Variants in ARID1A observed in about 807,000 individuals in gnomAD.
ARID1A encodes the protein AT-rich interactive domain-containing protein 1A.
In ARID1A, 20 loss-of-function variants were observed where a neutral mutation model predicts 212.6. The ratio of observed to expected loss-of-function variants is 0.09; its 90% CI spans 0.07 to 0.14. The LOEUF (loss-of-function observed/expected upper bound fraction) is 0.14. ARID1A is among the 10% of genes least tolerant of loss of function. The pLI is 1.00. For synonymous variants in ARID1A, 1,376 were observed against 1,222.1 expected, an observed-to-expected ratio of 1.13 and a Z score of -2.63; for missense variants, 2,587 against 3,059.0, an observed-to-expected ratio of 0.85 and a Z score of 3.64.
chr1:26,712,841 A>G (rs2080466890), intron 1 of ARID1A, among the ~76,000 whole-genome samples: 1 of 152,258 alleles, frequency 6.6e-6, no homozygotes. Flanking sequence ...TGCTTGGCAC[A>G]GATGTGGGAG....
At chr1:26,739,012 T>G (rs1056273419) in intron 4 of ARID1A, among the ~76,000 whole-genome samples, 11 of 151,014 alleles carry the variant, frequency 7.3e-5, no homozygotes, top group African/African-American at 2.4e-4. Context: ...TCAGCCTCCC[T>G]AGTAGCTGGG....
Position 26,731,435 on chromosome 1 carries a change from C to G in ARID1A, c.1634C>G (p.Pro545Arg), listed in dbSNP as rs775882868. The change falls in exon 3 of 20, where the codon CCC (proline) becomes CGC (arginine). Residue 545 changes from proline to arginine, a missense_variant. Pro to Arg is a moderately radical substitution (Grantham distance 103). Transcript: ENST00000324856. ...CAGCAGTCGACGACACAGCAGCACCCCCAGAGCCAGCCCCCCTACTCACAG... is the reference window on the plus strand; with the variant it reads ...CAGCAGTCGACGACACAGCAGCACCGCCAGAGCCAGCCCCCCTACTCACAG... Reference protein sequence around the residue: ...PSQQSTTQQHPQSQPPYSQPQ... With the variant: ...PSQQSTTQQHRQSQPPYSQPQ... 1.2e-6 allele frequency: 2 copies of G among 1,613,938 alleles called. No individual in the cohort carries two copies. The highest frequency in any genetic ancestry group is 1.6e-4 in the Middle Eastern group (1 of 6,062).
Position 26,780,761 on chromosome 1 carries a change from C to T in ARID1A, c.*5C>T, listed in dbSNP as rs201289176. The T allele has an allele frequency of 8.5e-5, 132 of 1,549,864 alleles. No individual in the cohort carries two copies. Among genetic ancestry groups the T allele is most frequent in the African/African-American group, 2.3e-4 (17 of 74,232 alleles). On this transcript the variant is annotated 3_prime_UTR_variant, in exon 20 of 20. Coordinates refer to ENST00000324856, the MANE Select transcript of ARID1A (RefSeq NM_006015.6). This position sits in a 1 kb window ranked among gnomAD's most constrained non-coding sequence, Gnocchi z 7.2. ...TTTTTGATTGGCCAGTCATGACAGCCGTGGGACACCTCCCCCCCCCGTGTG... is the reference window on the plus strand; with the variant it reads ...TTTTTGATTGGCCAGTCATGACAGCTGTGGGACACCTCCCCCCCCCGTGTG...
At chr1:26,768,441 A>G (rs1183772863) in intron 11 of ARID1A, among the ~76,000 whole-genome samples, 1 of 152,212 alleles carries the variant, frequency 6.6e-6, no homozygotes, top group Non-Finnish European at 1.5e-5. Context: ...GTAACAGTAT[A>G]TAACCCACTA....
chr1:26,700,823 A>T (rs1187002015), intron 1 of ARID1A, among the ~76,000 whole-genome samples: 1 of 152,256 alleles, frequency 6.6e-6, no homozygotes, highest in Non-Finnish European at 1.5e-5. Context: ...AGGAGGGACC[A>T]GGAAAACCAC....
At chr1:26,706,659 T>C (rs1293279430) in intron 1 of ARID1A, among the ~76,000 whole-genome samples, 2 of 152,226 alleles carry the variant, frequency 1.3e-5, no homozygotes, top group Non-Finnish European at 2.9e-5. Context: ...ATCTTTGGGC[T>C]CTTCTTGCCC....
intron 1 of ARID1A, among the ~76,000 whole-genome samples, chr1:26,715,465 A>T (rs2080493804): frequency 6.6e-6 from 1 of 152,218 alleles, no homozygotes; most frequent in South Asian, 2.1e-4. Context: ...TTTTCCTAGT[A>T]GAAGCACCAG....
intron 4 of ARID1A, among the ~76,000 whole-genome samples, chr1:26,754,128 A>G (rs144935778): frequency 1.3e-5 from 2 of 152,276 alleles, no homozygotes; most frequent in African/African-American, 4.8e-5. Context: ...TTTATTAATG[A>G]TAAATGTGTT....
In ARID1A at chr1:26,697,142, G is replaced by A. The variant is rs2124743349; in HGVS notation, c.739G>A (p.Ala247Thr). The A allele has an allele frequency of 6.9e-7, 1 of 1,440,228 alleles. No homozygotes were observed. Among genetic ancestry groups the A allele is most frequent in the Non-Finnish European group, 9.1e-7 (1 of 1,100,142 alleles). The allele number at this position is 1,440,228 out of a possible 1,614,324, so 89.2% of individuals were successfully genotyped here. ...GTPGSGAAAA[A>T]GSKPPPSSSA... ...TCCGGGCTCCGGCGCGGCGGCGGCT[G>A]CCGGCTCCAAGCCGCCTCCCTCCTC... is the stretch of plus-strand genomic sequence containing the variant. Residue 247 changes from alanine to threonine, a missense_variant, in exon 1 of 20, where the codon GCC becomes ACC. By Grantham distance (58) the Ala-to-Thr change is moderately conservative. Coordinates refer to ENST00000324856, the MANE Select transcript of ARID1A (RefSeq NM_006015.6).
chr1:26,732,577 A>T, intron 3 of ARID1A, 99 bp from the exon 4 acceptor site: 1 of 940,168 alleles, frequency 1.1e-6, no homozygotes, highest in African/African-American at 1.6e-5. Context: ...ACTTTCTCTC[A>T]CACTCATGAG....
rs2124789106 is a variant in ARID1A at position 26,731,388 on chromosome 1, G to A, written c.1587G>A (p.Gln529=). The A allele has an allele frequency of 6.2e-7, 1 of 1,613,780 alleles. No individual in the cohort carries two copies. The highest frequency in any genetic ancestry group is 8.5e-7 in the Non-Finnish European group (1 of 1,179,950). ...SQQPSQPPHQ[Q]SPAPYPSQQS... Reference sequence around the variant, plus strand: ...AGCCATCCCAGCCTCCACATCAGCAGTCCCCGGCTCCATACCCCTCCCAGC... The same window carrying A: ...AGCCATCCCAGCCTCCACATCAGCAATCCCCGGCTCCATACCCCTCCCAGC... The change falls in exon 3 of 20, where the codon CAG becomes CAA. Residue 529 remains glutamine, a synonymous_variant. Coordinates refer to ENST00000324856, the MANE Select transcript of ARID1A (RefSeq NM_006015.6).
In ARID1A at chr1:26,767,874, G is replaced by C; in HGVS notation, c.3073G>C (p.Asp1025His). ...GGEPERKMWVDRYLAFTEEKA... is the reference protein window; with the variant it reads ...GGEPERKMWVHRYLAFTEEKA... ...TGAGCCTGAGAGGAAGATGTGGGTG[G>C]ACCGTTATCTGGCCTTCACTGAGGA... Residue 1025 changes from aspartate to histidine, a missense_variant, in exon 11 of 20, where the codon GAC (aspartate) becomes CAC (histidine). Transcript: ENST00000324856. 6.2e-7 allele frequency: 1 copy of C among 1,614,106 alleles called. No individual in the cohort carries two copies. Among genetic ancestry groups the C allele is most frequent in the Non-Finnish European group, 8.5e-7 (1 of 1,180,012 alleles).
At chr1:26,713,924 A>G (rs774531435) in intron 1 of ARID1A, among the ~76,000 whole-genome samples, 17 of 152,172 alleles carry the variant, frequency 1.1e-4, no homozygotes, top group African/African-American at 3.6e-4. Flanking sequence ...TAAAACTCCA[A>G]CATAAAACCT....
rs1022147875 is a variant in ARID1A, at chr1:26,696,547, G to A, written c.144G>A (p.Gly48=). 8.1e-7 allele frequency: 1 copy of A among 1,230,660 alleles called. No homozygotes were observed. Among genetic ancestry groups the A allele is most frequent in the Non-Finnish European group, 1.0e-6 (1 of 989,742 alleles). The allele number at this position is 1,230,660 out of a possible 1,614,324, so 76.2% of individuals were successfully genotyped here. A position where few individuals can be genotyped will look rare whatever the true frequency, so the allele number is the denominator to read the frequency against. ...EAAAAAAAER[G]EMKAAAGQES... Reference sequence around the variant, plus strand: ...CGGCGGCGGCAGCGGCCGAGCGCGGGGAAATGAAGGCAGCCGCCGGGCAGG... The same window carrying A: ...CGGCGGCGGCAGCGGCCGAGCGCGGAGAAATGAAGGCAGCCGCCGGGCAGG... The change falls in exon 1 of 20, where the codon GGG becomes GGA. Residue 48 remains glycine (G), a synonymous_variant. Transcript: ENST00000324856.
chr1:26,745,312 G>A (rs1161432379), intron 4 of ARID1A, among the ~76,000 whole-genome samples: 2 of 152,162 alleles, frequency 1.3e-5, no homozygotes, highest in Non-Finnish European at 2.9e-5. Context: ...AGCTGCTGCC[G>A]CCAGAACCAG....
At chr1:26,710,437 T>A (rs890504667) in intron 1 of ARID1A, among the ~76,000 whole-genome samples, 1 of 147,674 alleles carries the variant, frequency 6.8e-6, no homozygotes, top group Non-Finnish European at 1.5e-5. Flanking sequence ...GATCACACCA[T>A]TGCACTCCAG....
chr1:26,771,425 CAAGGA>C lies in ARID1A; in HGVS notation c.3406+100_3406+104del. The C allele has an allele frequency of 1.5e-6, 2 of 1,301,728 alleles. No homozygotes were observed. The highest frequency in any genetic ancestry group is 2.1e-6 in the Non-Finnish European group (2 of 934,162). 80.6% of individuals were successfully genotyped at this position (1,301,728 alleles called of 1,614,324 possible). ...AAGAGGCTTATCCAACAGGATATGC[CAAGGA>C]TCTGTGCTCTGCCTTGCCCTACCAC... On this transcript the variant is annotated intron_variant, in intron 12 of 19. Coordinates refer to ENST00000324856, the MANE Select transcript of ARID1A (RefSeq NM_006015.6). The surrounding 1 kb of genome is among the most constrained non-coding windows in gnomAD (Gnocchi z 5.4).
intron 4 of ARID1A, among the ~76,000 whole-genome samples, chr1:26,751,077 A>G (rs1267201503): frequency 1.3e-5 from 2 of 152,074 alleles, no homozygotes; most frequent in African/African-American, 4.8e-5. Context: ...CAACATGGTG[A>G]AACCCCGTCT....
At chr1:26,703,690 A>C (rs1273880869) in intron 1 of ARID1A, among the ~76,000 whole-genome samples, 1 of 152,210 alleles carries the variant, frequency 6.6e-6, no homozygotes, top group Non-Finnish European at 1.5e-5. Flanking sequence ...GGGTATTAGG[A>C]ACTTCAGACT....
Sources: gnomAD v4.1 joint callset for allele counts (sites outside exome capture counted in the v4.1 genomes callset) on GRCh38, gnomAD v4.1.1 for gene constraint, Gnocchi (gnomAD v3.1) non-coding constraint, MANE v1.5 for transcripts, NCBI Gene and HGNC (gene_info 2026-07-23, HGNC 2026-07-21) for gene names.